The following CYREN variants were observed in gnomAD, a reference collection of about 807,000 sequenced individuals.
The protein encoded by CYREN is cell cycle regulator of NHEJ.
A neutral mutation model predicts 9.7 loss-of-function variants in CYREN; 7 were observed. The ratio of observed to expected loss-of-function variants is 0.72; its 90% CI spans 0.41 to 1.36. The LOEUF is 1.36. Ranked by LOEUF, CYREN falls within the 40% of genes most tolerant of loss-of-function variation. CYREN has a pLI of 0.01. For missense variants in CYREN, 215 were observed against 198.1 expected, an observed-to-expected ratio of 1.09 and a Z score of -0.51; for synonymous variants, 76 against 77.9, an observed-to-expected ratio of 0.98 and a Z score of 0.13.
At position 135,168,862 on chromosome 7, in the gene CYREN, C is replaced by T. The variant is rs1361196235; in HGVS notation, c.61G>A (p.Val21Met). 6.2e-7 allele frequency: 1 copy of T among 1,613,924 alleles called. No individual in the cohort carries two copies. Among genetic ancestry groups the T allele is most frequent in the African/African-American group, 1.3e-5 (1 of 74,930 alleles). Residue 21 changes from valine (V) to methionine (M), a missense_variant, in exon 2 of 4, where the codon GTG (valine) becomes ATG (methionine). Physicochemically the swap from Val to Met is conservative, Grantham distance 21. Coordinates refer to ENST00000393114, the MANE Select transcript of CYREN (RefSeq NM_024033.4). The part of the protein sequence containing the change: ...RVLPSWLTAQ[V>M]ATKNVAPMKA... ...ATTGGTGCCACATTCTTTGTAGCCA[C>T]CTGGGCTGTCAGCCATGAGGGAAGG...
chr7:135,150,366 AATT>A (rs1412340596), intron 2 of CYREN, among the ~76,000 whole-genome samples: 5 of 152,252 alleles, frequency 3.3e-5, no homozygotes, highest in African/African-American at 1.2e-4. Flanking sequence ...CCTTTTCAAA[AATT>A]ATAATTACCT....
At chr7:135,150,470 C>T (rs1335746527) in intron 2 of CYREN, among the ~76,000 whole-genome samples, 3 of 152,144 alleles carry the variant, frequency 2.0e-5, no homozygotes, top group African/African-American at 4.8e-5. Context: ...GCACTGATTC[C>T]CCAGGGCCTC....
intron 2 of CYREN, among the ~76,000 whole-genome samples, chr7:135,124,760 G>T (rs117791370): frequency 1.5e-3 from 231 of 152,132 alleles, no homozygotes; most frequent in Non-Finnish European, 2.8e-3. Context: ...AAAACCACAC[G>T]ATTACATGGA....
At chr7:135,123,688 G>A (rs1007186628) in intron 2 of CYREN, among the ~76,000 whole-genome samples, 3 of 152,006 alleles carry the variant, frequency 2.0e-5, no homozygotes, top group African/African-American at 2.4e-5. Context: ...GACTAACAGC[G>A]GCCCTCTCAG....
At chr7:135,140,036 G>T (rs763790053) in intron 2 of CYREN, among the ~76,000 whole-genome samples, 1 of 151,810 alleles carries the variant, frequency 6.6e-6, no homozygotes. Flanking sequence ...GATTGCTTTG[G>T]CAATTCAGGC....
chr7:135,115,293 A>T, intron 2 of CYREN: 3 of 852,116 alleles, frequency 3.5e-6, no homozygotes, highest in Non-Finnish European at 5.4e-6. Flanking sequence ...GGAATTTTAG[A>T]TAAAATCCTT....
At chr7:135,125,005 G>A (rs557994762) in intron 2 of CYREN, among the ~76,000 whole-genome samples, 11 of 152,060 alleles carry the variant, frequency 7.2e-5, no homozygotes, top group Non-Finnish European at 1.6e-4. Context: ...AGAGGCAAGA[G>A]CAAACTAATC....
chr7:135,122,306 C>T (rs759830268), intron 2 of CYREN, among the ~76,000 whole-genome samples: 1 of 152,190 alleles, frequency 6.6e-6, no homozygotes, highest in African/African-American at 2.4e-5. Context: ...TGACCCTGAC[C>T]CATCCTTCCT....
At chr7:135,096,414 G>A (rs73153765) in intron 2 of CYREN, among the ~76,000 whole-genome samples, 3 of 147,154 alleles carry the variant, frequency 2.0e-5, no homozygotes, top group Non-Finnish European at 3.0e-5. Flanking sequence ...GAGGAAGGAA[G>A]GAAAGAAAGA....
chr7:135,110,122 G>A (rs916853307), intron 2 of CYREN, among the ~76,000 whole-genome samples: 1 of 152,176 alleles, frequency 6.6e-6, no homozygotes, highest in African/African-American at 2.4e-5. Context: ...CTGTCTCAGG[G>A]AGGTGTAACA....
intron 2 of CYREN, among the ~76,000 whole-genome samples, chr7:135,131,233 T>A (rs1828714582): frequency 6.6e-6 from 1 of 152,092 alleles, no homozygotes; most frequent in Non-Finnish European, 1.5e-5. Context: ...AAACACCACA[T>A]GTTTTCACTC....
In CYREN at chr7:135,167,759, A is replaced by AAT. The variant is rs1830283614; in HGVS notation, c.185_186insAT (p.Asp63LeufsTer8). On this transcript the variant is annotated frameshift_variant, in exon 3 of 4. Coordinates refer to ENST00000393114, the MANE Select transcript of CYREN (RefSeq NM_024033.4). LOFTEE classifies it low-confidence loss of function (END_TRUNC). Reference sequence around the variant, plus strand: ...CAATCAGGATTCCCAGAGCAACATCAACTATCTCAGCCTCATTCATGCAGT... The same window carrying AAT: ...CAATCAGGATTCCCAGAGCAACATCAATACTATCTCAGCCTCATTCATGCAGT... The AAT allele has an allele frequency of 5.0e-6, 8 of 1,614,188 alleles. No individual in the cohort carries two copies. In the East Asian group the frequency reaches 1.3e-4, roughly 27 times the overall value.
At chr7:135,154,229 A>T (rs1473616533) in intron 2 of CYREN, among the ~76,000 whole-genome samples, 3 of 152,084 alleles carry the variant, frequency 2.0e-5, no homozygotes, top group African/African-American at 4.8e-5. Context: ...TTCTTGGTTA[A>T]TCTAGCTAGT....
chr7:135,147,423 C>G (rs1829568166), intron 2 of CYREN, among the ~76,000 whole-genome samples: 1 of 152,192 alleles, frequency 6.6e-6, no homozygotes, highest in South Asian at 2.1e-4. Context: ...TCTCATGTAA[C>G]CAAGTTTAAC....
intron 2 of CYREN, among the ~76,000 whole-genome samples, chr7:135,156,967 C>T (rs1475987035): frequency 2.6e-5 from 4 of 152,184 alleles, no homozygotes; most frequent in African/African-American, 7.2e-5. Context: ...GCTTCCTCCT[C>T]ATTTTCTCTT....
intron 2 of CYREN, chr7:135,128,926 G>C: frequency 6.5e-7 from 1 of 1,532,766 alleles, no homozygotes; most frequent in Non-Finnish European, 9.0e-7. Context: ...TTGTTCCTGT[G>C]CAATATCTGT....
intron 2 of CYREN, chr7:135,134,902 A>T: frequency 6.4e-7 from 1 of 1,551,174 alleles, no homozygotes; most frequent in South Asian, 1.2e-5. Flanking sequence ...AGCACCCAGA[A>T]ATCACCCTTT....
chr7:135,113,325 G>T (rs973553940), intron 2 of CYREN, among the ~76,000 whole-genome samples: 5 of 152,078 alleles, frequency 3.3e-5, no homozygotes, highest in Non-Finnish European at 5.9e-5. Flanking sequence ...TGAGTCCACT[G>T]ATACCCATCA....
At chr7:135,171,432 C>T (rs1830651770), upstream of CYREN, among the ~76,000 whole-genome samples, 3 of 151,986 alleles carry the variant, frequency 2.0e-5, no homozygotes, top group South Asian at 4.1e-4. Context: ...CAACTCATGA[C>T]TTAGAAACCG....
Sources: allele counts gnomAD v4.1 joint callset (sites outside exome capture counted in the v4.1 genomes callset), GRCh38; gene constraint gnomAD v4.1.1; transcripts MANE v1.5; gene names NCBI Gene and HGNC (gene_info 2026-07-23, HGNC 2026-07-21).